PCCA: variants seen among roughly 807,000 people sequenced by gnomAD.
The protein encoded by PCCA is propionyl-CoA carboxylase alpha chain, mitochondrial.
PCCA carries 74 observed loss-of-function variants against 101.3 expected under a neutral mutation model. The ratio of observed to expected loss-of-function variants is 0.73; its 90% CI spans 0.61 to 0.89. PCCA has a LOEUF of 0.89. PCCA is among the 40% of genes least tolerant of loss of function. The pLI is 0.00. For synonymous variants in PCCA, 294 were observed against 313.6 expected, an observed-to-expected ratio of 0.94 and a Z score of 0.66; for missense variants, 891 against 907.0, an observed-to-expected ratio of 0.98 and a Z score of 0.23.
chr13:100,466,799 A>G (rs1172285674), intron 21 of PCCA, among the ~76,000 whole-genome samples: 1 of 152,132 alleles, frequency 6.6e-6, no homozygotes, highest in Non-Finnish European at 1.5e-5. Context: ...CGGGGGTTGC[A>G]GTGAGCTGAG....
intron 8 of PCCA, among the ~76,000 whole-genome samples, chr13:100,238,267 C>T (rs2060925427): frequency 2.0e-5 from 3 of 152,044 alleles, no homozygotes; most frequent in African/African-American, 7.2e-5. Context: ...TAACCTGTCA[C>T]CTTTAAGATA....
At position 100,335,090 on chromosome 13, in the gene PCCA, G is replaced by A. The variant is rs190037643; in HGVS notation, c.1540+4419G>A. On this transcript the variant is annotated intron_variant, in intron 17 of 23. Transcript: ENST00000376285. The stretch of plus-strand genomic sequence containing the variant: ...AGTTAGAAATCTTAGAATAGTGTCT[G>A]CTACATAGGAAAGAATTTGACTCAA... Among the ~76,000 whole-genome samples, 316 of 152,260 alleles carry A rather than the reference G, an allele frequency of 2.1e-3. 2 individuals carry two copies. Among genetic ancestry groups the A allele is most frequent in the African/African-American group, 7.2e-3 (298 of 41,566 alleles).
intron 21 of PCCA, among the ~76,000 whole-genome samples, chr13:100,451,145 G>C (rs902078123): frequency 6.6e-6 from 1 of 152,168 alleles, no homozygotes; most frequent in East Asian, 1.9e-4. Context: ...GGCCTTTAAC[G>C]GGTTGGATGA....
intron 8 of PCCA, among the ~76,000 whole-genome samples, chr13:100,244,965 G>A (rs912556952): frequency 7.0e-5 from 10 of 143,684 alleles, no homozygotes; most frequent in African/African-American, 2.2e-4. Flanking sequence ...GTGTGTGTGT[G>A]CGCAGTAGTA....
At chr13:100,265,237 T>G (rs925835672) in intron 10 of PCCA, among the ~76,000 whole-genome samples, 7 of 152,206 alleles carry the variant, frequency 4.6e-5, no homozygotes, top group Non-Finnish European at 2.9e-5. Context: ...TTAGGAGTTT[T>G]TTTGTTTTAG....
intron 18 of PCCA, among the ~76,000 whole-genome samples, chr13:100,358,642 T>C (rs1160711631): frequency 1.3e-5 from 2 of 152,038 alleles, no homozygotes; most frequent in Non-Finnish European, 2.9e-5. Context: ...GATAGAAGAA[T>C]AGAGATTATG....
At chr13:100,182,716 A>G (rs1238717398) in intron 6 of PCCA, among the ~76,000 whole-genome samples, 1 of 151,950 alleles carries the variant, frequency 6.6e-6, no homozygotes, top group African/African-American at 2.4e-5. Flanking sequence ...GAACATGCTG[A>G]CTTCATTGCT....
chr13:100,269,467 A>G (rs575940738), intron 11 of PCCA, among the ~76,000 whole-genome samples: 7 of 152,276 alleles, frequency 4.6e-5, no homozygotes, highest in African/African-American at 1.4e-4. Context: ...TTATCCTACC[A>G]TGAAAGGCTT....
chr13:100,254,151 G>A (rs538101785), intron 8 of PCCA, among the ~76,000 whole-genome samples: 25 of 152,122 alleles, frequency 1.6e-4, no homozygotes, highest in Non-Finnish European at 2.6e-4. Context: ...AGACACTTAC[G>A]AAACCATCAG....
chr13:100,324,470 A>T (rs541378367), intron 16 of PCCA, among the ~76,000 whole-genome samples: 1 of 152,318 alleles, frequency 6.6e-6, no homozygotes, highest in African/African-American at 2.4e-5. Flanking sequence ...GACAAACTCT[A>T]TAGCCTCGAA....
chr13:100,366,790 AT>A (rs370987593), intron 18 of PCCA, among the ~76,000 whole-genome samples: 5,358 of 149,336 alleles, frequency 0.036, 309 homozygotes, highest in African/African-American at 0.12. Context: ...TTGTTGATGC[AT>A]TTTTTTTTTA....
At position 100,268,744 on chromosome 13, in the gene PCCA, T is replaced by C; in HGVS notation, c.875T>C (p.Ile292Thr). The C allele has an allele frequency of 1.2e-6, 2 of 1,614,122 alleles. No homozygotes were observed. Among genetic ancestry groups the C allele is most frequent in the Non-Finnish European group, 1.7e-6 (2 of 1,179,944 alleles). ...ALWLNERECSIQRRNQKVVEE... is the reference protein window; with the variant it reads ...ALWLNERECSTQRRNQKVVEE... ...TGGCTTAATGAAAGAGAGTGCTCAA[T>C]TCAGAGAAGAAATCAGAAGGTGGTG... Residue 292 changes from isoleucine (I) to threonine (T), a missense_variant, in exon 11 of 24, where the codon ATT becomes ACT. Ile to Thr is a moderately conservative substitution (Grantham distance 89). Transcript: ENST00000376285.
chr13:100,380,072 A>T (rs1294336801), intron 19 of PCCA, among the ~76,000 whole-genome samples: 1 of 151,834 alleles, frequency 6.6e-6, no homozygotes, highest in Non-Finnish European at 1.5e-5. Context: ...CGAAAAAACA[A>T]AAAAACACGC....
chr13:100,149,742 T>TGATA (rs909635268), intron 4 of PCCA: 2 of 152,178 alleles, frequency 1.3e-5, no homozygotes, highest in African/African-American at 4.8e-5. Context: ...TCTCCTTGAG[T>TGATA]GATAGGTTTC....
intron 21 of PCCA, among the ~76,000 whole-genome samples, chr13:100,502,447 G>A (rs1358679629): frequency 6.6e-6 from 1 of 152,124 alleles, no homozygotes; most frequent in Non-Finnish European, 1.5e-5. Context: ...CCTGGTTTCT[G>A]GATTATACAG....
At chr13:100,377,472 G>A (rs2075987460) in intron 19 of PCCA, among the ~76,000 whole-genome samples, 1 of 151,832 alleles carries the variant, frequency 6.6e-6, no homozygotes, top group Non-Finnish European at 1.5e-5. Context: ...TATTCAGTCA[G>A]CCAGCCTCCA....
At chr13:100,391,297 C>G (rs1432710548) in intron 19 of PCCA, among the ~76,000 whole-genome samples, 3 of 152,076 alleles carry the variant, frequency 2.0e-5, no homozygotes, top group African/African-American at 7.2e-5. Flanking sequence ...TATGAAAGGA[C>G]AAAGGAGCGG....
At chr13:100,225,852 G>A (rs1296454421) in intron 7 of PCCA, among the ~76,000 whole-genome samples, 2 of 151,934 alleles carry the variant, frequency 1.3e-5, no homozygotes, top group African/African-American at 2.4e-5. Flanking sequence ...GTGCAGTGGC[G>A]CGATCTTGGC....
chr13:100,418,821 G>A (rs2152882545), intron 19 of PCCA, among the ~76,000 whole-genome samples: 1 of 142,784 alleles, frequency 7.0e-6, no homozygotes, highest in South Asian at 2.4e-4. Flanking sequence ...GCAAGAGAGT[G>A]AGACTCCACC....
Sources: gnomAD v4.1 joint callset for allele counts (sites outside exome capture counted in the v4.1 genomes callset) on GRCh38, gnomAD v4.1.1 for gene constraint, MANE v1.5 for transcripts, NCBI Gene and HGNC (gene_info 2026-07-23, HGNC 2026-07-21) for gene names.